The following RORA variants were observed in gnomAD, a reference collection of about 807,000 sequenced individuals.
The protein encoded by RORA is RAR related orphan receptor A.
A neutral mutation model predicts 69.5 loss-of-function variants in RORA; 7 were observed. The observed-to-expected ratio is 0.10, with a 90% CI of 0.06 to 0.19. The LOEUF is 0.19. RORA is among the 10% of genes least tolerant of loss of function. The pLI is 1.00. For missense variants in RORA, 457 were observed against 663.0 expected, an observed-to-expected ratio of 0.69 and a Z score of 3.41; for synonymous variants, 261 against 240.8, an observed-to-expected ratio of 1.08 and a Z score of -0.78.
rs953734132 is a variant in RORA, at chr15:60,797,070, TTTA to T, written c.167-118387_167-118385del. ...ATTATCTATATATTTATTAATTATA[TTTA>T]TTATTATTATTATTATTTCTGCACA... is the stretch of plus-strand genomic sequence containing the variant. On this transcript the variant is annotated intron_variant, in intron 1 of 10. Coordinates refer to ENST00000335670, the MANE Select transcript of RORA (RefSeq NM_134261.3). Among the ~76,000 whole-genome samples the T allele has an allele frequency of 2.0e-4, 30 of 147,812 alleles. No individual in the cohort carries two copies. The East Asian group carries it at 2.3e-3, about 12-fold the overall frequency.
intron 1 of RORA, among the ~76,000 whole-genome samples, chr15:60,781,789 TGTTTGTTTCCCATTTA>T (rs1427202090): frequency 6.6e-6 from 1 of 152,210 alleles, no homozygotes; most frequent in Non-Finnish European, 1.5e-5. Flanking sequence ...AGTCTGGAAC[TGTTTGTTTCCCATTTA>T]GTTTGTTTCC....
At chr15:61,199,921 A>C (rs933839583) in intron 1 of RORA, among the ~76,000 whole-genome samples, 1 of 152,200 alleles carries the variant, frequency 6.6e-6, no homozygotes, top group Non-Finnish European at 1.5e-5. Context: ...ACCTGGGTGA[A>C]GGGTGGAGGG....
At chr15:60,504,471 C>A (rs1054151560) in intron 6 of RORA, among the ~76,000 whole-genome samples, 1 of 151,996 alleles carries the variant, frequency 6.6e-6, no homozygotes, top group African/African-American at 2.4e-5. Context: ...TACTTGAACC[C>A]GGGAGGCGGA....
At chr15:60,951,626 C>G (rs1454547657) in intron 1 of RORA, among the ~76,000 whole-genome samples, 3 of 151,044 alleles carry the variant, frequency 2.0e-5, no homozygotes, top group Admixed American at 6.6e-5. Flanking sequence ...CGATCCCACA[C>G]AAATACAAAC....
At chr15:60,723,101 A>G (rs2071313616) in intron 1 of RORA, among the ~76,000 whole-genome samples, 1 of 152,198 alleles carries the variant, frequency 6.6e-6, no homozygotes, top group Non-Finnish European at 1.5e-5. Flanking sequence ...CTTATTTTCA[A>G]TAATTATAAA....
chr15:60,502,217 T>C (rs1334122080), intron 8 of RORA, among the ~76,000 whole-genome samples: 6 of 152,230 alleles, frequency 3.9e-5, no homozygotes, highest in Admixed American at 3.3e-4. Context: ...TGACCTCAGG[T>C]GATCCGCCTG....
At chr15:61,046,603 AC>A (rs1450133218) in intron 1 of RORA, among the ~76,000 whole-genome samples, 1 of 152,210 alleles carries the variant, frequency 6.6e-6, no homozygotes, top group Admixed American at 6.5e-5. Flanking sequence ...AGGTCCCTAT[AC>A]CAAGCAGCAA....
chr15:61,055,378 C>T (rs1458242180), intron 1 of RORA, among the ~76,000 whole-genome samples: 1 of 152,130 alleles, frequency 6.6e-6, no homozygotes, highest in Non-Finnish European at 1.5e-5. Flanking sequence ...GGACCGAGGC[C>T]ACAGTGAGAA....
intron 1 of RORA, among the ~76,000 whole-genome samples, chr15:61,159,002 C>T (rs144498339): frequency 1.1e-3 from 163 of 152,194 alleles, no homozygotes; most frequent in Middle Eastern, 0.01. Flanking sequence ...AGTCATTTTA[C>T]GACTAGACCT....
chr15:60,897,886 T>C (rs894613191), intron 1 of RORA, among the ~76,000 whole-genome samples: 6 of 152,162 alleles, frequency 3.9e-5, no homozygotes, highest in African/African-American at 1.4e-4. Flanking sequence ...CCATAATAAA[T>C]AGAGGATGAC....
intron 1 of RORA, among the ~76,000 whole-genome samples, chr15:60,776,201 C>T (rs934453408): frequency 2.6e-5 from 4 of 152,092 alleles, no homozygotes; most frequent in East Asian, 3.9e-4. Flanking sequence ...GAGCAGGCCT[C>T]GTCCCAACTC....
At chr15:60,806,452 C>T (rs1278412909) in intron 1 of RORA, among the ~76,000 whole-genome samples, 1 of 152,204 alleles carries the variant, frequency 6.6e-6, no homozygotes, top group Admixed American at 6.5e-5. Context: ...GAATGCCACT[C>T]TTTTAATATC....
At chr15:60,539,568 A>G (rs1416266346) in intron 2 of RORA, among the ~76,000 whole-genome samples, 1 of 152,160 alleles carries the variant, frequency 6.6e-6, no homozygotes, top group Non-Finnish European at 1.5e-5. Flanking sequence ...CTTTTTTGGT[A>G]TCTACCTGGT....
intron 1 of RORA, among the ~76,000 whole-genome samples, chr15:60,799,276 A>T (rs1235687735): frequency 6.6e-6 from 1 of 152,228 alleles, no homozygotes; most frequent in African/African-American, 2.4e-5. Flanking sequence ...GCAAGGGGGA[A>T]CCGCTATAAA....
At chr15:60,624,366 G>A (rs62003336) in intron 2 of RORA, among the ~76,000 whole-genome samples, 2,035 of 149,794 alleles carry the variant, frequency 0.014, 37 homozygotes, top group Middle Eastern at 0.038. Flanking sequence ...GAGTCAAGAG[G>A]CCTAAAGACC....
At chr15:60,584,938 GT>G (rs2068289067) in intron 2 of RORA, among the ~76,000 whole-genome samples, 1 of 152,046 alleles carries the variant, frequency 6.6e-6, no homozygotes. Context: ...TTAAACAGCA[GT>G]TTTTCCTTGC....
chr15:60,596,883 C>T (rs964885985), intron 2 of RORA, among the ~76,000 whole-genome samples: 1 of 152,184 alleles, frequency 6.6e-6, no homozygotes, highest in Non-Finnish European at 1.5e-5. Context: ...TACACACTCA[C>T]ACCCACCCAC....
chr15:60,704,597 T>G (rs1217709033), intron 1 of RORA, among the ~76,000 whole-genome samples: 3 of 152,048 alleles, frequency 2.0e-5, no homozygotes, highest in African/African-American at 7.2e-5. Context: ...CAAAATGAAA[T>G]AAAATATAAA....
intron 1 of RORA, among the ~76,000 whole-genome samples, chr15:61,135,376 C>A (rs138058394): frequency 6.6e-6 from 1 of 151,530 alleles, no homozygotes; most frequent in African/African-American, 2.4e-5. Flanking sequence ...TTTGCTTTAA[C>A]AAAACTTTTG....
Sources: gnomAD v4.1 joint callset for allele counts (sites outside exome capture counted in the v4.1 genomes callset) on GRCh38, gnomAD v4.1.1 for gene constraint, MANE v1.5 for transcripts, NCBI Gene and HGNC (gene_info 2026-07-23, HGNC 2026-07-21) for gene names.